Variants in KCTD16 observed in about 807,000 individuals in gnomAD.
KCTD16 encodes the protein potassium channel tetramerization domain containing 16.
Under a neutral mutation model 33.2 loss-of-function variants are expected in KCTD16, and 13 were observed. The observed-to-expected ratio is 0.39, with a 90% CI of 0.25 to 0.62. The LOEUF is 0.62. KCTD16 is among the 20% of genes least tolerant of loss of function. KCTD16 has a pLI of 0.50. For missense variants in KCTD16, 441 were observed against 525.1 expected (o/e 0.84, Z 1.57); for synonymous variants, 197 against 195.3 (o/e 1.01, Z -0.07).
rs1754673340 is a variant in KCTD16, at chr5:144,480,003, C to G, written c.*5889C>G. ...TTATCAGTTTATTTTTAGAATTGACCTTTAGATAATTTACCTGCATTTGCA... is the reference window on the plus strand; with the variant it reads ...TTATCAGTTTATTTTTAGAATTGACGTTTAGATAATTTACCTGCATTTGCA... On this transcript the variant is annotated 3_prime_UTR_variant, in exon 4 of 4. Transcript: ENST00000512467. 1 of 151,908 alleles carries G rather than the reference C, an allele frequency of 6.6e-6. No individual in the cohort carries two copies. The highest frequency in any genetic ancestry group is 2.4e-5 in the African/African-American group (1 of 41,388). 9.4% of individuals were successfully genotyped at this position (151,908 alleles called of 1,614,324 possible).
intron 3 of KCTD16, among the ~76,000 whole-genome samples, chr5:144,420,533 T>TGC (rs1010111838): frequency 5.3e-5 from 8 of 152,018 alleles, no homozygotes; most frequent in African/African-American, 1.9e-4. Context: ...TGTGTGTGTG[T>TGC]GCACACTCAT....
intron 3 of KCTD16, among the ~76,000 whole-genome samples, chr5:144,257,537 G>A (rs931864843): frequency 6.6e-6 from 1 of 151,808 alleles, no homozygotes; most frequent in African/African-American, 2.4e-5. Flanking sequence ...CGCCCAGGCT[G>A]GAGTGCAGTG....
At chr5:144,291,552 TTA>T (rs1212022906) in intron 3 of KCTD16, among the ~76,000 whole-genome samples, 5 of 152,178 alleles carry the variant, frequency 3.3e-5, no homozygotes, top group Non-Finnish European at 1.5e-5. Flanking sequence ...ATATTGTCCT[TTA>T]TATATGGTAA....
intron 3 of KCTD16, among the ~76,000 whole-genome samples, chr5:144,259,349 A>G (rs1342514711): frequency 6.6e-6 from 1 of 151,736 alleles, no homozygotes; most frequent in South Asian, 2.1e-4. Flanking sequence ...ACATAATGCT[A>G]CTTGATTAGT....
At chr5:144,324,193 A>G (rs1262226199) in intron 3 of KCTD16, among the ~76,000 whole-genome samples, 1 of 152,164 alleles carries the variant, frequency 6.6e-6, no homozygotes, top group African/African-American at 2.4e-5. Context: ...CCATGATGTA[A>G]CTAAATAGTA....
chr5:144,283,466 A>G (rs1755661174), intron 3 of KCTD16, among the ~76,000 whole-genome samples: 1 of 152,204 alleles, frequency 6.6e-6, no homozygotes. Context: ...CATACTATGG[A>G]CAACTCAGAA....
chr5:144,330,899 A>G (rs1055577712), intron 3 of KCTD16, among the ~76,000 whole-genome samples: 1 of 152,190 alleles, frequency 6.6e-6, no homozygotes, highest in African/African-American at 2.4e-5. Context: ...TAGACAGGCA[A>G]AGAAACAGAT....
intron 3 of KCTD16, among the ~76,000 whole-genome samples, chr5:144,210,450 G>A (rs902047567): frequency 6.6e-6 from 1 of 152,094 alleles, no homozygotes; most frequent in Non-Finnish European, 1.5e-5. Context: ...CTACCCTAGG[G>A]ATTGCCTTAC....
intron 3 of KCTD16, among the ~76,000 whole-genome samples, chr5:144,241,069 C>T (rs1246009768): frequency 6.6e-6 from 1 of 152,086 alleles, no homozygotes; most frequent in Non-Finnish European, 1.5e-5. Context: ...CAATGTAGAA[C>T]AGGGCAGAAT....
intron 3 of KCTD16, among the ~76,000 whole-genome samples, chr5:144,223,546 A>C (rs1030416883): frequency 1.3e-5 from 2 of 152,126 alleles, no homozygotes; most frequent in Non-Finnish European, 2.9e-5. Context: ...TTGTACCGTT[A>C]TGGTGTGTAG....
chr5:144,395,270 T>C (rs1237844987), intron 3 of KCTD16, among the ~76,000 whole-genome samples: 1 of 152,218 alleles, frequency 6.6e-6, no homozygotes, highest in East Asian at 1.9e-4. Flanking sequence ...GATTTCTTTT[T>C]TCACAGATAA....
chr5:144,201,027 C>T (rs1044686300), intron 2 of KCTD16, among the ~76,000 whole-genome samples: 4 of 152,132 alleles, frequency 2.6e-5, no homozygotes, highest in African/African-American at 7.2e-5. Context: ...ATTACAGGTG[C>T]GAGCCACCTT....
intron 3 of KCTD16, among the ~76,000 whole-genome samples, chr5:144,322,551 G>T (rs1031583400): frequency 6.6e-6 from 1 of 151,910 alleles, no homozygotes; most frequent in South Asian, 2.1e-4. Context: ...CTAAGAGAGG[G>T]TCTGTGTGAC....
At chr5:144,372,930 A>G (rs970321882) in intron 3 of KCTD16, among the ~76,000 whole-genome samples, 1 of 152,206 alleles carries the variant, frequency 6.6e-6, no homozygotes, top group African/African-American at 2.4e-5. Flanking sequence ...TTGGGCAAAT[A>G]TAGTATAGAG....
chr5:144,370,239 G>C (rs1751935738), intron 3 of KCTD16, among the ~76,000 whole-genome samples: 1 of 152,126 alleles, frequency 6.6e-6, no homozygotes, highest in Non-Finnish European at 1.5e-5. Context: ...TAAGGAGGGG[G>C]TAGAAGGGGT....
chr5:144,187,293 T>C (rs568924388), intron 2 of KCTD16, among the ~76,000 whole-genome samples: 1 of 152,322 alleles, frequency 6.6e-6, no homozygotes, highest in Admixed American at 6.5e-5. Flanking sequence ...GCATATTGAA[T>C]GCAAATTTCA....
intron 2 of KCTD16, among the ~76,000 whole-genome samples, chr5:144,176,467 A>G (rs945863171): frequency 2.1e-5 from 3 of 143,376 alleles, no homozygotes; most frequent in Admixed American, 7.5e-5. Context: ...CAGTGGCGCA[A>G]TCTCGGCTCA....
At chr5:144,405,575 T>C (rs929831586) in intron 3 of KCTD16, among the ~76,000 whole-genome samples, 1 of 152,206 alleles carries the variant, frequency 6.6e-6, no homozygotes. Flanking sequence ...TTTGTTTCTC[T>C]GTAACACATG....
intron 3 of KCTD16, among the ~76,000 whole-genome samples, chr5:144,326,457 G>T (rs1439681625): frequency 1.3e-5 from 2 of 152,152 alleles, no homozygotes; most frequent in Non-Finnish European, 2.9e-5. Flanking sequence ...ATGATAAGTT[G>T]AAATATTTTG....
Sources: allele counts gnomAD v4.1 joint callset (sites outside exome capture counted in the v4.1 genomes callset), GRCh38; gene constraint gnomAD v4.1.1; transcripts MANE v1.5; gene names NCBI Gene and HGNC (gene_info 2026-07-23, HGNC 2026-07-21).